The following STX11 variants were observed in gnomAD, a reference collection of about 807,000 sequenced individuals.
The protein encoded by STX11 is syntaxin-11.
Under a neutral mutation model 19.9 loss-of-function variants are expected in STX11, and 21 were observed. The observed-to-expected ratio is 1.06, with a 90% CI of 0.75 to 1.52. The LOEUF (loss-of-function observed/expected upper bound fraction) is 1.52, where lower values mean the gene tolerates loss of function less well. Among genes scored for constraint, STX11 ranks in the 40% most tolerant of loss-of-function variants. The pLI is 0.00. For synonymous variants in STX11, 193 were observed against 174.4 expected, an observed-to-expected ratio of 1.11 and a Z score of -0.84; for missense variants, 438 against 405.9, an observed-to-expected ratio of 1.08 and a Z score of -0.68.
chr6:144,142,633 G>T, the STX11 span, among the ~76,000 whole-genome samples: 12 of 152,204 alleles, frequency 7.9e-5, no homozygotes, highest in African/African-American at 2.2e-4. Context: ...GGAACTGAAG[G>T]TTATTATTTT....
intron 1 of STX11, among the ~76,000 whole-genome samples, chr6:144,158,063 G>A (rs1161135934): frequency 1.3e-5 from 2 of 151,764 alleles, no homozygotes; most frequent in Non-Finnish European, 2.9e-5. Context: ...ATCCAGGGGT[G>A]GAACCCATGA....
At position 144,186,626 on chromosome 6, in the gene STX11, A is replaced by C; in HGVS notation, c.-2A>C. 6.2e-7 allele frequency: 1 copy of C among 1,614,102 alleles called. No individual in the cohort carries two copies. The highest frequency in any genetic ancestry group is 1.7e-5 in the Admixed American group (1 of 60,030). On this transcript the variant is annotated 5_prime_UTR_variant, in exon 2 of 2. Transcript: ENST00000367568. Reference sequence around the variant, plus strand: ...ACTTCATTATCTCTACTTGCAGGCAAAATGAAAGACCGGCTAGCAGAACTT... The same window carrying C: ...ACTTCATTATCTCTACTTGCAGGCACAATGAAAGACCGGCTAGCAGAACTT...
upstream of STX11, among the ~76,000 whole-genome samples, chr6:144,147,959 T>C (rs1800906912): frequency 6.6e-6 from 1 of 152,148 alleles, no homozygotes; most frequent in Non-Finnish European, 1.5e-5. This position sits in a 1 kb window ranked among gnomAD's most constrained non-coding sequence, Gnocchi z 4.2. Context: ...CCCAGGATAA[T>C]GTTTTACCAA....
At position 144,189,989 on chromosome 6, in the gene STX11, TA is replaced by T. The variant is rs1288889570; in HGVS notation, c.*2501del. Among the ~76,000 whole-genome samples the T allele has an allele frequency of 1.3e-5, 2 of 152,212 alleles. No homozygotes were observed. Among genetic ancestry groups the T allele is most frequent in the African/African-American group, 4.8e-5 (2 of 41,470 alleles). On this transcript the variant is annotated 3_prime_UTR_variant, in exon 2 of 2. Coordinates refer to ENST00000367568, the MANE Select transcript of STX11 (RefSeq NM_003764.4). ...CATAAATTTGACATGTTTGAACCCA[TA>T]AAGCATTTTCTTTGCTTGGAACCAT...
rs992935360 is a variant in STX11, at chr6:144,150,607, C to G, written c.-102C>G. On this transcript the variant is annotated 5_prime_UTR_variant, in exon 1 of 2. Transcript: ENST00000367568. ...CGCCGGGAGCGGAGCCGCCGGGAGT[C>G]GCGCAACAGGTTTCCTTCTCCATCG... 2.0e-6 allele frequency: 2 copies of G among 985,318 alleles called. No individual in the cohort carries two copies. Among genetic ancestry groups the G allele is most frequent in the African/African-American group, 3.5e-5 (2 of 57,238 alleles). The allele number at this position is 985,318 out of a possible 1,614,324, so 61.0% of individuals were successfully genotyped here. A position where few individuals can be genotyped will look rare whatever the true frequency, so the allele number is the denominator to read the frequency against.
rs1239860494 is a variant in STX11, at chr6:144,184,382, A to G, written c.-5-2241A>G. ...ATCTGTTGTTTCTTGACATTTTAAT[A>G]GTCACCATTCTGACTGGCATGAGAT... On this transcript the variant is annotated intron_variant, in intron 1 of 1. Transcript: ENST00000367568. This position sits in a 1 kb window ranked among gnomAD's most constrained non-coding sequence, Gnocchi z 6.5. Among the ~76,000 whole-genome samples, 2 of 152,200 alleles carry G rather than the reference A, an allele frequency of 1.3e-5. No individual in the cohort carries two copies. Among genetic ancestry groups the G allele is most frequent in the East Asian group, 3.8e-4 (2 of 5,202 alleles).
rs1036020118 is a variant in STX11 at position 144,165,183 on chromosome 6, G to T, written c.-6+14480G>T. ...AAGAAAAATTTTCTTGGCCGGGCGC[G>T]GTGGCTCACGCCTGTAATCCCAGCA... is the stretch of plus-strand genomic sequence containing the variant. On this transcript the variant is annotated intron_variant, in intron 1 of 1. Transcript: ENST00000367568. The surrounding 1 kb of genome is among the most constrained non-coding windows in gnomAD (Gnocchi z 5.8). 2.6e-5 allele frequency among the ~76,000 whole-genome samples: 4 copies of T among 152,080 alleles called. No homozygotes were observed. In the East Asian group the frequency reaches 7.7e-4, roughly 29 times the overall value.
chr6:144,141,029 G>A, the STX11 span, among the ~76,000 whole-genome samples: 1 of 152,132 alleles, frequency 6.6e-6, no homozygotes, highest in South Asian at 2.1e-4. Flanking sequence ...GTGCTTTTCC[G>A]TTTCACTTTT....
At chr6:144,163,265 A>G (rs1288690578) in intron 1 of STX11, among the ~76,000 whole-genome samples, 1 of 152,118 alleles carries the variant, frequency 6.6e-6, no homozygotes, top group African/African-American at 2.4e-5. Context: ...TAACATTTTA[A>G]TTTATTTTTT....
intron 1 of STX11, among the ~76,000 whole-genome samples, chr6:144,157,958 G>A (rs1233039578): frequency 6.9e-6 from 1 of 144,662 alleles, no homozygotes; most frequent in Non-Finnish European, 1.5e-5. Context: ...AATTACCAAA[G>A]ATATTTCAGT....
At chr6:144,164,878 G>A (rs1163119084) in intron 1 of STX11, among the ~76,000 whole-genome samples, 1 of 151,650 alleles carries the variant, frequency 6.6e-6, no homozygotes, top group Admixed American at 6.6e-5. Context: ...TTTATTTTTA[G>A]TAGAGTTGCG....
At chr6:144,143,882 A>T in the STX11 span, among the ~76,000 whole-genome samples, 1 of 152,230 alleles carries the variant, frequency 6.6e-6, no homozygotes, top group African/African-American at 2.4e-5. Flanking sequence ...ATTAGACAAG[A>T]TCCTTATAGG....
chr6:144,188,507 A>G lies in STX11; in HGVS notation c.*1016A>G. ...GGCGGTAGACATATGGCGGTAGAAA[A>G]TGTATACGGAGCTAGAGACAACTAA... On this transcript the variant is annotated 3_prime_UTR_variant, in exon 2 of 2. Coordinates refer to ENST00000367568, the MANE Select transcript of STX11 (RefSeq NM_003764.4). 9.0e-6 allele frequency: 2 copies of G among 221,760 alleles called. No individual in the cohort carries two copies. Among genetic ancestry groups the G allele is most frequent in the Non-Finnish European group, 2.0e-5 (2 of 101,710 alleles). 13.7% of individuals were successfully genotyped at this position (221,760 alleles called of 1,614,324 possible). A position where few individuals can be genotyped will look rare whatever the true frequency, so the allele number is the denominator to read the frequency against.
In STX11 at chr6:144,154,124, G is replaced by A. The variant is rs530750035; in HGVS notation, c.-6+3421G>A. Reference sequence around the variant, plus strand: ...GAAAGTGCAGTGTTAGTAACTGACAGAGCCAGAAATGGATCCCAAGCACTT... The same window carrying A: ...GAAAGTGCAGTGTTAGTAACTGACAAAGCCAGAAATGGATCCCAAGCACTT... On this transcript the variant is annotated intron_variant, in intron 1 of 1. Transcript: ENST00000367568. The surrounding 1 kb of genome is among the most constrained non-coding windows in gnomAD (Gnocchi z 4.7). Among the ~76,000 whole-genome samples the A allele has an allele frequency of 1.3e-5, 2 of 152,226 alleles. No individual in the cohort carries two copies. The highest frequency in any genetic ancestry group is 3.8e-4 in the East Asian group (2 of 5,202).
rs1021911830 is a variant in STX11, at chr6:144,180,096, A to G, written c.-5-6527A>G. On this transcript the variant is annotated intron_variant, in intron 1 of 1. Transcript: ENST00000367568. The surrounding 1 kb of genome is among the most constrained non-coding windows in gnomAD (Gnocchi z 5.3). ...TGTGCCTTGAGCTGCTCTGTATTGC[A>G]TATTCCCATGTCTGAAAATTTCTCA... 3.3e-5 allele frequency among the ~76,000 whole-genome samples: 5 copies of G among 152,312 alleles called. No individual in the cohort carries two copies. Among genetic ancestry groups the G allele is most frequent in the Admixed American group, 3.3e-4 (5 of 15,298 alleles).
At chr6:144,150,951 AGGGACTTAGGATTTAGTGCTTCGTAAG>A (rs1800990996) in intron 1 of STX11, among the ~76,000 whole-genome samples, 1 of 152,220 alleles carries the variant, frequency 6.6e-6, no homozygotes, top group Admixed American at 6.5e-5. Flanking sequence ...TCAGAGGCTG[AGGGACTTAGGATTTAGTGCTTCGTAAG>A]AATTATTTTA....
Position 144,188,537 on chromosome 6 carries a change from C to T in STX11, c.*1046C>T, listed in dbSNP as rs554838419. Among the ~76,000 whole-genome samples the T allele has an allele frequency of 1.2e-4, 19 of 152,234 alleles. No individual in the cohort carries two copies. The South Asian group carries it at 3.5e-3, about 28-fold the overall frequency. On this transcript the variant is annotated 3_prime_UTR_variant, in exon 2 of 2. Coordinates refer to ENST00000367568, the MANE Select transcript of STX11 (RefSeq NM_003764.4). Reference sequence around the variant, plus strand: ...TACGGAGCTAGAGACAACTAACATTCTTGGAAATACTGCTTTTGTTTTACT... The same window carrying T: ...TACGGAGCTAGAGACAACTAACATTTTTGGAAATACTGCTTTTGTTTTACT...
chr6:144,179,759 C>A (rs950589066), intron 1 of STX11, among the ~76,000 whole-genome samples: 4 of 152,188 alleles, frequency 2.6e-5, no homozygotes, highest in African/African-American at 9.7e-5. Context: ...CTATATAAGC[C>A]CAACACAAAA....
chr6:144,147,025 T>G (rs1240605365), upstream of STX11, among the ~76,000 whole-genome samples: 2 of 152,198 alleles, frequency 1.3e-5, no homozygotes, highest in African/African-American at 2.4e-5. This position sits in a 1 kb window ranked among gnomAD's most constrained non-coding sequence, Gnocchi z 4.2. Context: ...AATTTCCATG[T>G]GTGCATTGGA....
Sources: allele counts gnomAD v4.1 joint callset (sites outside exome capture counted in the v4.1 genomes callset), GRCh38; gene constraint gnomAD v4.1.1; non-coding constraint Gnocchi (gnomAD v3.1); transcripts MANE v1.5; gene names NCBI Gene and HGNC (gene_info 2026-07-23, HGNC 2026-07-21).